FRMD4B: variants seen among roughly 807,000 people sequenced by gnomAD.
The protein encoded by FRMD4B is FERM domain containing 4B.
Under a neutral mutation model 141.5 loss-of-function variants are expected in FRMD4B, and 74 were observed. The ratio of observed to expected loss-of-function variants is 0.52; its 90% CI spans 0.43 to 0.63. The LOEUF is 0.63. Among genes scored for constraint, FRMD4B ranks in the 30% least tolerant of loss-of-function variants. FRMD4B has a pLI of 0.00. For synonymous variants in FRMD4B, 506 were observed against 467.9 expected, an observed-to-expected ratio of 1.08 and a Z score of -1.05; for missense variants, 1,366 against 1,253.4, an observed-to-expected ratio of 1.09 and a Z score of -1.36.
chr3:69,231,972 T>C (rs1189818095), intron 7 of FRMD4B, among the ~76,000 whole-genome samples: 1 of 152,154 alleles, frequency 6.6e-6, no homozygotes, highest in East Asian at 1.9e-4. Context: ...TCTACGGAGC[T>C]TGTAGGAGCA....
intron 1 of FRMD4B, among the ~76,000 whole-genome samples, chr3:69,471,042 GTA>G: frequency 6.6e-6 from 1 of 152,250 alleles, no homozygotes; most frequent in East Asian, 1.9e-4. Context: ...AACACAAACT[GTA>G]AATGTTAAGA....
In FRMD4B at chr3:69,181,483, A is replaced by G. The variant is rs2092707618; in HGVS notation, c.2267T>C (p.Leu756Pro). Reference sequence around the variant, plus strand: ...CCTCCGACCCCTGGTGCGAGTGTCCAGGGTCTGGGTGGTGTAATAGGGGCC... The same window carrying G: ...CCTCCGACCCCTGGTGCGAGTGTCCGGGGTCTGGGTGGTGTAATAGGGGCC... ...VTGPYYTTQT[L>P]DTRTRGRRRS... The change falls in exon 21 of 23, where the codon CTG becomes CCG. Residue 756 changes from leucine to proline, a missense_variant. Coordinates refer to ENST00000398540, the MANE Select transcript of FRMD4B (RefSeq NM_015123.3). The G allele has an allele frequency of 6.2e-7, 1 of 1,613,788 alleles. No individual in the cohort carries two copies. Among genetic ancestry groups the G allele is most frequent in the African/African-American group, 1.3e-5 (1 of 74,916 alleles).
chr3:69,310,553 A>AAC (rs138025208), intron 3 of FRMD4B: 15,533 of 297,034 alleles, frequency 0.052, 811 homozygotes, highest in Admixed American at 0.076. Flanking sequence ...CACACAGACA[A>AAC]ACACACACAC....
chr3:69,222,727 C>T (rs188213320), intron 8 of FRMD4B, among the ~76,000 whole-genome samples: 12 of 151,948 alleles, frequency 7.9e-5, no homozygotes, highest in African/African-American at 1.7e-4. Flanking sequence ...GCCGAGCTTG[C>T]GCCATTGCAC....
chr3:69,361,915 C>T (rs1008719544), intron 1 of FRMD4B, among the ~76,000 whole-genome samples: 11 of 152,128 alleles, frequency 7.2e-5, no homozygotes, highest in East Asian at 1.9e-4. Context: ...GATGAATGTA[C>T]GTTTAACTGC....
intron 2 of FRMD4B, among the ~76,000 whole-genome samples, chr3:69,398,981 A>C (rs1704515685): frequency 6.6e-6 from 1 of 152,204 alleles, no homozygotes; most frequent in Admixed American, 6.5e-5. Context: ...AATGCAGTAT[A>C]ATCAGAATTC....
rs1329748416 is a variant in FRMD4B at position 69,216,333 on chromosome 3, G to A, written c.806C>T (p.Pro269Leu). The A allele has an allele frequency of 6.4e-7, 1 of 1,556,992 alleles. No individual in the cohort carries two copies. Residue 269 changes from proline (P) to leucine (L), a missense_variant, in exon 11 of 23, where the codon CCT becomes CTT. Coordinates refer to ENST00000398540, the MANE Select transcript of FRMD4B (RefSeq NM_015123.3). Reference protein sequence around the residue: ...YYAVKDKQGLPWWLGISYKGI... With the variant: ...YYAVKDKQGLLWWLGISYKGI... ...CTTATAGCTTATTCCAAGCCACCAA[G>A]GAAGTCCTTGCTTATCCTAGAAGAT...
intron 2 of FRMD4B, among the ~76,000 whole-genome samples, chr3:69,395,792 G>A (rs1704464812): frequency 6.6e-6 from 1 of 152,204 alleles, no homozygotes; most frequent in Non-Finnish European, 1.5e-5. Context: ...ATGTTACACA[G>A]TGGAGAAAAT....
At position 69,351,881 on chromosome 3, in the gene FRMD4B, C is replaced by T. The variant is rs1415617899; in HGVS notation, c.162+33947G>A. 2.0e-5 allele frequency among the ~76,000 whole-genome samples: 3 copies of T among 152,196 alleles called. 1 individual carries two copies. The South Asian group carries it at 6.2e-4, about 31-fold the overall frequency. On this transcript the variant is annotated intron_variant, in intron 1 of 22. Coordinates refer to ENST00000398540, the MANE Select transcript of FRMD4B (RefSeq NM_015123.3). ...TTCTTCTGGTTTAAATGTTCCATGG[C>T]ATAAATATATCTAACAATTCTGCTC... is the stretch of plus-strand genomic sequence containing the variant.
At chr3:69,496,027 A>G (rs1330361489) in intron 1 of FRMD4B, among the ~76,000 whole-genome samples, 1 of 152,218 alleles carries the variant, frequency 6.6e-6, no homozygotes, top group Non-Finnish European at 1.5e-5. Context: ...AGGTTAGTTT[A>G]TATTTCAAAT....
intron 19 of FRMD4B, among the ~76,000 whole-genome samples, chr3:69,186,548 T>C (rs188756037): frequency 1.3e-5 from 2 of 152,212 alleles, no homozygotes; most frequent in Admixed American, 1.3e-4. Flanking sequence ...CCTGTCTCTA[T>C]TAAAAATACA....
rs1204217534 is a variant in FRMD4B at position 69,489,106 on chromosome 3, A to G, written c.-129+53100T>C. Among the ~76,000 whole-genome samples, 2 of 151,798 alleles carry G rather than the reference A, an allele frequency of 1.3e-5. 1 individual carries two copies. ...TATCAAGAATGTGAAAAGACAATCC[A>G]CTGTCTGGGAGAAATATTTGCAAAT... On this transcript the variant is annotated intron_variant, in intron 1 of 5. Transcript: ENST00000459638.
upstream of FRMD4B, among the ~76,000 whole-genome samples, chr3:69,387,513 TTGTC>T (rs1270723133): frequency 6.6e-6 from 1 of 152,154 alleles, no homozygotes; most frequent in Non-Finnish European, 1.5e-5. Flanking sequence ...TGTAAGTCAA[TTGTC>T]TGTATTTTCT....
chr3:69,259,155 C>T (rs886908811), intron 5 of FRMD4B, among the ~76,000 whole-genome samples: 1 of 152,114 alleles, frequency 6.6e-6, no homozygotes. Flanking sequence ...TGGGAGACAG[C>T]GACGGATCAT....
chr3:69,246,443 A>G (rs1018064594), intron 7 of FRMD4B, among the ~76,000 whole-genome samples: 11 of 152,172 alleles, frequency 7.2e-5, no homozygotes, highest in African/African-American at 2.7e-4. Flanking sequence ...TGAGAGAACA[A>G]TGCTCTATCT....
At chr3:69,259,670 T>A (rs1388626782) in intron 5 of FRMD4B, among the ~76,000 whole-genome samples, 1 of 152,266 alleles carries the variant, frequency 6.6e-6, no homozygotes, top group Non-Finnish European at 1.5e-5. Context: ...GGATAAGTGC[T>A]TTAATTTTCC....
chr3:69,255,950 A>G (rs1377957235), intron 5 of FRMD4B, among the ~76,000 whole-genome samples: 3 of 152,128 alleles, frequency 2.0e-5, no homozygotes, highest in Non-Finnish European at 2.9e-5. Flanking sequence ...ATGATACTCA[A>G]GCAGGGTGCT....
intron 1 of FRMD4B, among the ~76,000 whole-genome samples, chr3:69,321,226 G>C (rs1463278018): frequency 2.0e-5 from 3 of 152,094 alleles, no homozygotes; most frequent in Non-Finnish European, 4.4e-5. Flanking sequence ...CATAACAACG[G>C]GGTCGTCTTA....
rs1445384080 is a variant in FRMD4B, at chr3:69,176,541, A to G, written c.2967T>C (p.Pro989=). 6.2e-7 allele frequency: 1 copy of G among 1,612,562 alleles called. No individual in the cohort carries two copies. The highest frequency in any genetic ancestry group is 1.1e-5 in the South Asian group (1 of 91,020). The change falls in exon 22 of 23, where the codon CCT becomes CCC. Residue 989 remains proline, a synonymous_variant. Transcript: ENST00000398540. ...YTSCYGNVYN[P]LPSPSRQYTE... is the part of the protein sequence containing the mutation. ...TTCCTCACCTGCTTGGAGAGGGTAA[A>G]GGATTATAGACATTGCCATAGCAGC...
Sources: allele counts gnomAD v4.1 joint callset (sites outside exome capture counted in the v4.1 genomes callset), GRCh38; gene constraint gnomAD v4.1.1; transcripts MANE v1.5; gene names NCBI Gene and HGNC (gene_info 2026-07-23, HGNC 2026-07-21).